The following PRIM2 variants were observed in gnomAD, a reference collection of about 807,000 sequenced individuals.
PRIM2 encodes DNA primase large subunit.
In PRIM2, 39 loss-of-function variants were observed where a neutral mutation model predicts 67.3. The observed-to-expected ratio is 0.58, with a 90% CI of 0.45 to 0.76. PRIM2 has a LOEUF of 0.76. PRIM2 is among the 30% of genes least tolerant of loss of function. PRIM2 has a pLI of 0.00. For synonymous variants in PRIM2, 143 were observed against 198.7 expected (o/e 0.72, Z 2.36); for missense variants, 398 against 598.7 (o/e 0.66, Z 3.50).
At chr6:57,479,955 A>T (rs1296286301) in intron 7 of PRIM2, among the ~76,000 whole-genome samples, 7 of 152,224 alleles carry the variant, frequency 4.6e-5, no homozygotes, top group African/African-American at 1.7e-4. Context: ...AGGAAAGGAG[A>T]GAGAATGTCT....
At chr6:57,264,755 C>G in the PRIM2 span, among the ~76,000 whole-genome samples, 46 of 152,146 alleles carry the variant, frequency 3.0e-4, no homozygotes, top group East Asian at 7.9e-3. Flanking sequence ...CCCCACCAAG[C>G]CCAGTTAATT....
chr6:57,333,963 T>C (rs1279438521), intron 5 of PRIM2, among the ~76,000 whole-genome samples: 1 of 152,246 alleles, frequency 6.6e-6, no homozygotes, highest in East Asian at 1.9e-4. Context: ...CAGTTTGTTG[T>C]CATTAACTGT....
At chr6:57,392,157 T>G (rs1416516374) in intron 7 of PRIM2, among the ~76,000 whole-genome samples, 1 of 152,158 alleles carries the variant, frequency 6.6e-6, no homozygotes, top group Non-Finnish European at 1.5e-5. Context: ...ATTGCCTTGT[T>G]GATTTGGCTC....
chr6:57,529,225 G>A (rs1333946533), intron 8 of PRIM2, among the ~76,000 whole-genome samples: 10,503 of 152,046 alleles, frequency 0.069, 521 homozygotes, highest in East Asian at 0.2. Context: ...CAGGAGAATG[G>A]CGTGAACCCG....
At chr6:57,453,887 C>A (rs201148618) in intron 7 of PRIM2, among the ~76,000 whole-genome samples, 8 of 152,098 alleles carry the variant, frequency 5.3e-5, no homozygotes, top group East Asian at 1.9e-4. Context: ...GAATGCTTCC[C>A]GTTTTTGCCC....
rs1776563176 is a variant in PRIM2 at position 57,606,403 on chromosome 6, G to T, written c.1176G>T (p.Glu392Asp). The change falls in exon 12 of 14, where the codon GAG (glutamate) becomes GAT (aspartate). Residue 392 changes from glutamate to aspartate, a missense_variant. By Grantham distance (45) the Glu-to-Asp change is conservative. Transcript: ENST00000615550. ...HGCPFRHSDP[E>D]LLKQKLQSYK... ...GCCCATTCCGTCACAGTGATCCAGA[G>T]CTGCTGAAGCAAAAGTTGCAGTCAT... 1 of 1,598,680 alleles carries T rather than the reference G, an allele frequency of 6.3e-7. No individual in the cohort carries two copies. Among genetic ancestry groups the T allele is most frequent in the Admixed American group, 1.7e-5 (1 of 58,150 alleles).
intron 12 of PRIM2, among the ~76,000 whole-genome samples, chr6:57,614,727 G>A (rs1217289071): frequency 6.6e-6 from 1 of 152,266 alleles, no homozygotes; most frequent in Non-Finnish European, 1.5e-5. Context: ...GCGGGCGCCT[G>A]TAGTCCCAGC....
intron 11 of PRIM2, 103 bp downstream of exon 11, chr6:57,601,322 A>G: frequency 1.6e-6 from 2 of 1,267,336 alleles, no homozygotes; most frequent in Non-Finnish European, 2.1e-6. Context: ...GTCAGGACCT[A>G]GTTTGTATCT....
At chr6:57,603,329 G>A (rs1716860485) in intron 11 of PRIM2, among the ~76,000 whole-genome samples, 1 of 152,152 alleles carries the variant, frequency 6.6e-6, no homozygotes, top group African/African-American at 2.4e-5. Flanking sequence ...ACCTATTGAA[G>A]ACATTCTTCA....
the PRIM2 span, among the ~76,000 whole-genome samples, chr6:57,257,370 C>G: frequency 2.6e-5 from 4 of 151,224 alleles, no homozygotes; most frequent in African/African-American, 9.7e-5. Context: ...CTGCTGGATT[C>G]AAGCGATTCT....
At chr6:57,577,670 C>T (rs1775988432) in intron 10 of PRIM2, among the ~76,000 whole-genome samples, 1 of 152,050 alleles carries the variant, frequency 6.6e-6, no homozygotes, top group African/African-American at 2.4e-5. Context: ...CTCAGGTGAT[C>T]CACCCACCTC....
chr6:57,337,436 C>G (rs1205056194), intron 5 of PRIM2, among the ~76,000 whole-genome samples: 1 of 151,230 alleles, frequency 6.6e-6, no homozygotes, highest in Non-Finnish European at 1.5e-5. Context: ...CACACCTATT[C>G]CAAAATTGAC....
intron 10 of PRIM2, among the ~76,000 whole-genome samples, chr6:57,576,256 A>G (rs1775963200): frequency 6.6e-6 from 1 of 152,012 alleles, no homozygotes. Flanking sequence ...GCATCTTCTA[A>G]CCTTTAAAAA....
chr6:57,607,175 A>G (rs1776579412), intron 12 of PRIM2, among the ~76,000 whole-genome samples: 1 of 152,226 alleles, frequency 6.6e-6, no homozygotes, highest in African/African-American at 2.4e-5. Context: ...CTAAATCATC[A>G]TACATCTTTA....
At chr6:57,288,251 T>A in the PRIM2 span, among the ~76,000 whole-genome samples, 1 of 152,188 alleles carries the variant, frequency 6.6e-6, no homozygotes, top group Non-Finnish European at 1.5e-5. Context: ...GAGGCTTGAA[T>A]AGGCGGTTTG....
At chr6:57,604,630 G>A (rs1234896336) in intron 11 of PRIM2, among the ~76,000 whole-genome samples, 2 of 151,522 alleles carry the variant, frequency 1.3e-5, no homozygotes, top group African/African-American at 4.8e-5. Flanking sequence ...TTATTTTGAG[G>A]TATATTCCTT....
At chr6:57,609,042 G>C (rs2127493704) in intron 12 of PRIM2, among the ~76,000 whole-genome samples, 1 of 152,284 alleles carries the variant, frequency 6.6e-6, no homozygotes, top group East Asian at 1.9e-4. Flanking sequence ...AGGAGGACTG[G>C]ATTTTTACTT....
the PRIM2 span, among the ~76,000 whole-genome samples, chr6:57,293,065 G>C: frequency 1.3e-5 from 2 of 152,014 alleles, no homozygotes; most frequent in African/African-American, 4.8e-5. Context: ...CTACAGAATG[G>C]GAGAAAATTT....
chr6:57,298,897 C>T, the PRIM2 span, among the ~76,000 whole-genome samples: 4 of 152,212 alleles, frequency 2.6e-5, no homozygotes, highest in African/African-American at 4.8e-5. Flanking sequence ...GCCTCCCCCA[C>T]CCTATTCTCC....
Sources: gnomAD v4.1 joint callset for allele counts (sites outside exome capture counted in the v4.1 genomes callset) on GRCh38, gnomAD v4.1.1 for gene constraint, MANE v1.5 for transcripts, NCBI Gene and HGNC (gene_info 2026-07-23, HGNC 2026-07-21) for gene names.